ASS1: variants seen among roughly 807,000 people sequenced by gnomAD.
ASS1 encodes argininosuccinate synthase 1, also known as argininosuccinate synthase.
Under a neutral mutation model 60.5 loss-of-function variants are expected in ASS1, and 58 were observed. The ratio of observed to expected loss-of-function variants is 0.96; its 90% CI spans 0.78 to 1.19. The LOEUF is 1.19. Ranked by LOEUF, ASS1 falls within the 50% of genes most tolerant of loss-of-function variation. ASS1 has a pLI of 0.00. For missense variants in ASS1, 454 were observed against 547.3 expected (o/e 0.83, Z 1.70); for synonymous variants, 200 against 206.9 (o/e 0.97, Z 0.29).
intron 3 of ASS1, among the ~76,000 whole-genome samples, chr9:130,458,080 A>T (rs1172731042): frequency 1.3e-5 from 2 of 151,262 alleles, no homozygotes; most frequent in Non-Finnish European, 2.9e-5. Flanking sequence ...AGTTGCTTGA[A>T]CCTGGGAGAC....
At position 130,470,927 on chromosome 9, in the gene ASS1, C is replaced by T. The variant is rs754145746; in HGVS notation, c.566+23C>T. ...CAGGTAAATCCCACCCTCCACCCAT[C>T]CTTGGTCCTCCCGGGCTCATTCCAA... On this transcript the variant is annotated intron_variant, in intron 7 of 14. Transcript: ENST00000352480. The surrounding 1 kb of genome is among the most constrained non-coding windows in gnomAD (Gnocchi z 4.3). 8.7e-6 allele frequency: 14 copies of T among 1,612,092 alleles called. No individual in the cohort carries two copies. In the South Asian group the frequency reaches 1.5e-4, roughly 18 times the overall value.
chr9:130,445,745 C>A (rs761826759), intron 1 of ASS1, among the ~76,000 whole-genome samples: 26 of 152,194 alleles, frequency 1.7e-4, no homozygotes, highest in Non-Finnish European at 3.2e-4. Flanking sequence ...AGAGGAAACT[C>A]CTCTCCCAGG....
At chr9:130,480,790 C>T (rs1464300068) in intron 11 of ASS1, among the ~76,000 whole-genome samples, 1 of 152,154 alleles carries the variant, frequency 6.6e-6, no homozygotes, top group Non-Finnish European at 1.5e-5. Context: ...GGAGGCAGAC[C>T]GTGCAGGCCC....
chr9:130,466,796 A>C lies in ASS1; in HGVS notation c.492A>C (p.Ala164=). The C allele has an allele frequency of 1.2e-6, 2 of 1,613,986 alleles. No individual in the cohort carries two copies. Among genetic ancestry groups the C allele is most frequent in the Non-Finnish European group, 1.7e-6 (2 of 1,179,944 alleles). The change falls in exon 6 of 15, where the codon GCA becomes GCC. Residue 164 remains alanine (A), a synonymous_variant. Transcript: ENST00000352480. ...GCCGCAATGACCTGATGGAGTACGC[A>C]AAGGTATGGCCGAGTCTCCCCACCA... ...FKGRNDLMEY[A]KQHGIPIPVT... is the part of the protein sequence containing the mutation.
rs78036731 is a variant in ASS1 at position 130,448,943 on chromosome 9, G to A, written c.-5-3281G>A. ...GGTGAGGAGCTGACCTCCAGAGAGT[G>A]GAACTAGTAGCATTGTTCTAAGTGC... On this transcript the variant is annotated intron_variant, in intron 1 of 14. Transcript: ENST00000352480. Among the ~76,000 whole-genome samples the A allele has an allele frequency of 4.1e-3, 631 of 152,316 alleles. 6 individuals carry two copies. Among genetic ancestry groups the A allele is most frequent in the African/African-American group, 0.015 (603 of 41,570 alleles).
intron 12 of ASS1, among the ~76,000 whole-genome samples, chr9:130,490,613 C>T (rs1056147708): frequency 6.6e-6 from 1 of 152,160 alleles, no homozygotes; most frequent in South Asian, 2.1e-4. Context: ...TCTGTCTGGC[C>T]AGTTTTTACA....
Position 130,477,031 on chromosome 9 carries a change from C to G in ASS1, c.688+70C>G. ...GCCCTGGCTCCTTTCCCCTCCCTGC[C>G]TGGGAACCTAGGCCCTCTTTACCCC... On this transcript the variant is annotated intron_variant, in intron 9 of 14. Transcript: ENST00000352480. This position sits in a 1 kb window ranked among gnomAD's most constrained non-coding sequence, Gnocchi z 4.2. The G allele has an allele frequency of 6.7e-7, 1 of 1,503,404 alleles. No individual in the cohort carries two copies. Among genetic ancestry groups the G allele is most frequent in the Non-Finnish European group, 9.2e-7 (1 of 1,081,198 alleles). 93.1% of individuals were successfully genotyped at this position (1,503,404 alleles called of 1,614,324 possible).
At chr9:130,474,708 A>G (rs908627622) in intron 8 of ASS1, among the ~76,000 whole-genome samples, 13 of 152,238 alleles carry the variant, frequency 8.5e-5, no homozygotes, top group Admixed American at 5.9e-4. Flanking sequence ...TGTGGCTGTG[A>G]TGCTGGCTGG....
rs373239430 is a variant in ASS1 at position 130,466,762 on chromosome 9, G to A, written c.458G>A (p.Arg153Gln). 4.3e-5 allele frequency: 69 copies of A among 1,614,122 alleles called. No individual in the cohort carries two copies. The highest frequency in any genetic ancestry group is 1.8e-4 in the South Asian group (16 of 91,076). Residue 153 changes from arginine (R) to glutamine (Q), a missense_variant, in exon 6 of 15, where the codon CGG becomes CAG. Physicochemically the swap from Arg to Gln is conservative, Grantham distance 43. Coordinates refer to ENST00000352480, the MANE Select transcript of ASS1 (RefSeq NM_054012.4). ...APWRMPEFYN[R>Q]FKGRNDLMEY... The stretch of plus-strand genomic sequence containing the variant: ...TGGAGGATGCCTGAATTCTACAACC[G>A]GTTCAAGGGCCGCAATGACCTGATG...
chr9:130,458,641 G>A, intron 4 of ASS1, 52 bp downstream of exon 4: 1 of 1,587,704 alleles, frequency 6.3e-7, no homozygotes, highest in Non-Finnish European at 8.6e-7. Flanking sequence ...GGAGGGGTGT[G>A]GGAAGGAGAT....
At chr9:130,467,504 T>C (rs1255181404) in intron 6 of ASS1, among the ~76,000 whole-genome samples, 1 of 152,146 alleles carries the variant, frequency 6.6e-6, no homozygotes, top group African/African-American at 2.4e-5. Context: ...TCGCCAAGGC[T>C]GGCTGTGAGC....
At chr9:130,445,411 C>G (rs1051610841) in intron 1 of ASS1, among the ~76,000 whole-genome samples, 12 of 152,234 alleles carry the variant, frequency 7.9e-5, no homozygotes, top group African/African-American at 2.7e-4. Flanking sequence ...CTCTCCCTCT[C>G]TCGGACTCGC....
intron 2 of ASS1, 87 bp from the exon 3 acceptor site, chr9:130,454,218 A>G (rs942231000): frequency 3.0e-6 from 4 of 1,335,452 alleles, no homozygotes; most frequent in Non-Finnish European, 4.2e-6. Flanking sequence ...TCTCTGTAGC[A>G]GGGGGTGGGA....
rs1846379891 is a variant in ASS1, at chr9:130,489,062, C to T, written c.839-271C>T. 6.6e-6 allele frequency among the ~76,000 whole-genome samples: 1 copy of T among 152,080 alleles called. No individual in the cohort carries two copies. The highest frequency in any genetic ancestry group is 2.4e-5 in the African/African-American group (1 of 41,408). On this transcript the variant is annotated intron_variant, in intron 11 of 14. Coordinates refer to ENST00000352480, the MANE Select transcript of ASS1 (RefSeq NM_054012.4). The surrounding 1 kb of genome is among the most constrained non-coding windows in gnomAD (Gnocchi z 4.1). ...GGAGGGAGGGGTTGCTGCTCCGAAACCCTGTCATTTTCTAGCGTCTGAGGG... is the reference window on the plus strand; with the variant it reads ...GGAGGGAGGGGTTGCTGCTCCGAAATCCTGTCATTTTCTAGCGTCTGAGGG...
intron 13 of ASS1, among the ~76,000 whole-genome samples, chr9:130,498,734 C>T (rs1190544907): frequency 6.6e-6 from 1 of 152,150 alleles, no homozygotes; most frequent in East Asian, 1.9e-4. Context: ...CTGGCCTGGG[C>T]TCTCTGGTGG....
In ASS1 at chr9:130,476,737, G is replaced by C. The variant is rs1295409841; in HGVS notation, c.598-134G>C. On this transcript the variant is annotated intron_variant, in intron 8 of 14. Coordinates refer to ENST00000352480, the MANE Select transcript of ASS1 (RefSeq NM_054012.4). The surrounding 1 kb of genome is among the most constrained non-coding windows in gnomAD (Gnocchi z 4.9). ...GGTGCTAGGCTGAGGGCTGGGGACC[G>C]GGGGATCTGCCGGACCCCACCAGCT... 1.2e-6 allele frequency: 1 copy of C among 858,910 alleles called. No homozygotes were observed. The highest frequency in any genetic ancestry group is 2.0e-6 in the Non-Finnish European group (1 of 501,060). 53.2% of individuals were successfully genotyped at this position (858,910 alleles called of 1,614,324 possible).
intron 11 of ASS1, among the ~76,000 whole-genome samples, chr9:130,480,933 C>T (rs1445621707): frequency 1.3e-5 from 2 of 152,266 alleles, no homozygotes; most frequent in African/African-American, 4.8e-5. Context: ...GCATCAGGCA[C>T]GGCTCACTGG....
At chr9:130,500,255 G>T (rs991558018) in intron 14 of ASS1, among the ~76,000 whole-genome samples, 1 of 152,174 alleles carries the variant, frequency 6.6e-6, no homozygotes, top group East Asian at 1.9e-4. Context: ...AGCTAACATA[G>T]ACTAAGCTGC....
chr9:130,446,660 G>A (rs866112037), intron 1 of ASS1, among the ~76,000 whole-genome samples: 3 of 152,208 alleles, frequency 2.0e-5, no homozygotes, highest in African/African-American at 7.2e-5. Context: ...GGCCGCAGGA[G>A]CCTTGGGGTG....
Sources: gnomAD v4.1 joint callset for allele counts (sites outside exome capture counted in the v4.1 genomes callset) on GRCh38, gnomAD v4.1.1 for gene constraint, Gnocchi (gnomAD v3.1) non-coding constraint, MANE v1.5 for transcripts, NCBI Gene and HGNC (gene_info 2026-07-23, HGNC 2026-07-21) for gene names.